The following PPARGC1A variants were observed in gnomAD, a reference collection of about 807,000 sequenced individuals.
PPARGC1A encodes peroxisome proliferator-activated receptor gamma coactivator 1-alpha.
A neutral mutation model predicts 88.7 loss-of-function variants in PPARGC1A; 25 were observed. The observed-to-expected ratio is 0.28, with a 90% CI of 0.21 to 0.39. The LOEUF (loss-of-function observed/expected upper bound fraction) is 0.39, where lower values mean the gene tolerates loss of function less well. Ranked by LOEUF, PPARGC1A falls within the 10% of genes least tolerant of loss-of-function variation. PPARGC1A has a pLI of 1.00. For missense variants in PPARGC1A, 880 were observed against 968.7 expected (o/e 0.91, Z 1.22); for synonymous variants, 363 against 355.6 (o/e 1.02, Z -0.24).
chr4:24,395,937 C>G, the PPARGC1A span, among the ~76,000 whole-genome samples: 1 of 152,190 alleles, frequency 6.6e-6, no homozygotes, highest in Non-Finnish European at 1.5e-5. Context: ...TTTCTCTCCA[C>G]CTGCATTCTA....
the PPARGC1A span, among the ~76,000 whole-genome samples, chr4:24,224,798 A>G: frequency 6.6e-6 from 1 of 152,216 alleles, no homozygotes; most frequent in Non-Finnish European, 1.5e-5. Context: ...AGATGAGAGT[A>G]TTTGGGGGTA....
At chr4:23,837,714 C>A (rs1411736057) in intron 2 of PPARGC1A, among the ~76,000 whole-genome samples, 11 of 152,196 alleles carry the variant, frequency 7.2e-5, no homozygotes, top group Admixed American at 4.6e-4. Flanking sequence ...AAATGACATT[C>A]TTGGATTATC....
the PPARGC1A span, among the ~76,000 whole-genome samples, chr4:24,456,914 C>A: frequency 6.6e-6 from 1 of 152,096 alleles, no homozygotes; most frequent in Non-Finnish European, 1.5e-5. Context: ...AACTCTGAAG[C>A]TAAGTCACTG....
the PPARGC1A span, among the ~76,000 whole-genome samples, chr4:24,130,360 CAAACCTG>C: frequency 6.6e-6 from 1 of 152,102 alleles, no homozygotes; most frequent in Admixed American, 6.6e-5. Context: ...AAGTCAAGTT[CAAACCTG>C]GGCAATCTGA....
At chr4:24,199,101 T>A in the PPARGC1A span, among the ~76,000 whole-genome samples, 1 of 152,170 alleles carries the variant, frequency 6.6e-6, no homozygotes, top group African/African-American at 2.4e-5. Flanking sequence ...GGATGTATAC[T>A]GTCTGTCTCT....
chr4:24,183,189 A>C, the PPARGC1A span, among the ~76,000 whole-genome samples: 1 of 152,196 alleles, frequency 6.6e-6, no homozygotes, highest in Non-Finnish European at 1.5e-5. Flanking sequence ...GTGCAATAAC[A>C]CAAGCAAATG....
chr4:23,972,257 T>C, the PPARGC1A span, among the ~76,000 whole-genome samples: 2 of 152,208 alleles, frequency 1.3e-5, no homozygotes, highest in Non-Finnish European at 2.9e-5. Flanking sequence ...ATCTGAAATC[T>C]CTTGCCAGTA....
chr4:23,895,100 T>C (rs1424577811), intron 1 of PPARGC1A, among the ~76,000 whole-genome samples: 1 of 137,462 alleles, frequency 7.3e-6, no homozygotes, highest in African/African-American at 2.7e-5. Context: ...TTTTTTTTTT[T>C]CACACTAGCT....
At chr4:23,814,639 G>C in intron 7 of PPARGC1A, 34 bp from the exon 8 acceptor site, 1 of 1,315,466 alleles carries the variant, frequency 7.6e-7, no homozygotes, top group Non-Finnish European at 1.0e-6. Flanking sequence ...AAAAAAAAGA[G>C]AGAGAAAGAA....
the PPARGC1A span, among the ~76,000 whole-genome samples, chr4:24,412,162 T>C: frequency 2.0e-5 from 3 of 152,194 alleles, no homozygotes; most frequent in South Asian, 6.2e-4. Context: ...TTGCTCTACA[T>C]CCTTGCCAGA....
the PPARGC1A span, among the ~76,000 whole-genome samples, chr4:24,006,584 C>T: frequency 1.3e-5 from 2 of 152,156 alleles, no homozygotes; most frequent in African/African-American, 4.8e-5. Context: ...GAAAGAAAGG[C>T]TTGGACAGCT....
At chr4:23,960,315 G>T in the PPARGC1A span, among the ~76,000 whole-genome samples, 1 of 152,112 alleles carries the variant, frequency 6.6e-6, no homozygotes, top group Middle Eastern at 3.2e-3. Context: ...CATTGAGTAG[G>T]TGGAGGCCAG....
the PPARGC1A span, among the ~76,000 whole-genome samples, chr4:24,295,705 ATATACACATATACGTAT>A: frequency 4.7e-4 from 70 of 149,972 alleles, 1 homozygote; most frequent in African/African-American, 1.7e-3. Context: ...ACATTACATT[ATATACACATATACGTAT>A]TATATGCTAC....
the PPARGC1A span, among the ~76,000 whole-genome samples, chr4:24,405,174 A>C: frequency 1.1e-4 from 17 of 152,358 alleles, no homozygotes; most frequent in South Asian, 6.2e-4. Flanking sequence ...TAGAAATTAA[A>C]AGTTTGTTGA....
chr4:24,465,786 G>C, the PPARGC1A span, among the ~76,000 whole-genome samples: 10 of 152,274 alleles, frequency 6.6e-5, no homozygotes, highest in African/African-American at 2.4e-4. Flanking sequence ...GTTCATGATG[G>C]ACATAAATGT....
the PPARGC1A span, among the ~76,000 whole-genome samples, chr4:24,115,043 C>T: frequency 3.3e-5 from 5 of 152,204 alleles, no homozygotes; most frequent in South Asian, 2.1e-4. Context: ...AAAGCATTCC[C>T]GGTAATGCAT....
intron 2 of PPARGC1A, among the ~76,000 whole-genome samples, chr4:23,842,027 CCTTT>C (rs1463010436): frequency 6.6e-6 from 1 of 152,026 alleles, no homozygotes; most frequent in Non-Finnish European, 1.5e-5. Context: ...ATTCTCACTC[CCTTT>C]CTTTATATTT....
the PPARGC1A span, among the ~76,000 whole-genome samples, chr4:24,095,927 C>T: frequency 6.6e-6 from 1 of 152,260 alleles, no homozygotes; most frequent in African/African-American, 2.4e-5. Flanking sequence ...AAGGCCTCAC[C>T]TCTTAGTACT....
chr4:24,290,827 T>G, the PPARGC1A span, among the ~76,000 whole-genome samples: 1 of 152,260 alleles, frequency 6.6e-6, no homozygotes, highest in African/African-American at 2.4e-5. Flanking sequence ...GTTTTGATTT[T>G]GAAATCCATC....
Sources: allele counts gnomAD v4.1 joint callset (sites outside exome capture counted in the v4.1 genomes callset), GRCh38; gene constraint gnomAD v4.1.1; transcripts MANE v1.5; gene names NCBI Gene and HGNC (gene_info 2026-07-23, HGNC 2026-07-21).